Variants in ERGIC1 observed in about 807,000 individuals in gnomAD.
The protein encoded by ERGIC1 is endoplasmic reticulum-golgi intermediate compartment 1.
ERGIC1 carries 19 observed loss-of-function variants against 38.3 expected under a neutral mutation model. The observed-to-expected ratio is 0.50, with a 90% confidence interval of 0.35 to 0.73. The LOEUF is 0.73. Ranked by LOEUF, ERGIC1 falls within the 30% of genes least tolerant of loss-of-function variation. The pLI, the probability that ERGIC1 is intolerant of heterozygous loss-of-function variation, is 0.01. For missense variants in ERGIC1, 294 were observed against 389.2 expected, an observed-to-expected ratio of 0.76 and a Z score of 2.06; for synonymous variants, 124 against 157.6, an observed-to-expected ratio of 0.79 and a Z score of 1.60.
chr5:172,841,025 A>G (rs1413055155), intron 1 of ERGIC1, among the ~76,000 whole-genome samples: 2 of 152,186 alleles, frequency 1.3e-5, no homozygotes, highest in Admixed American at 6.5e-5. Context: ...ATAGTCTCAG[A>G]TGCCCTGTTG....
chr5:172,930,635 A>C (rs1373078511), intron 7 of ERGIC1, among the ~76,000 whole-genome samples: 1 of 152,104 alleles, frequency 6.6e-6, no homozygotes, highest in East Asian at 1.9e-4. Flanking sequence ...GAGCCACCAC[A>C]TCCGGCCTTG....
intron 1 of ERGIC1, among the ~76,000 whole-genome samples, chr5:172,874,040 T>A (rs936854714): frequency 6.6e-6 from 1 of 152,136 alleles, no homozygotes; most frequent in Non-Finnish European, 1.5e-5. Flanking sequence ...ACCTCACCCC[T>A]CACCAGTTTA....
At chr5:172,858,286 G>A (rs558697610) in intron 1 of ERGIC1, among the ~76,000 whole-genome samples, 43 of 152,298 alleles carry the variant, frequency 2.8e-4, no homozygotes, top group African/African-American at 1.0e-3. Context: ...CAGGGCTGGA[G>A]GACTCAGCTG....
chr5:172,903,193 G>T (rs1287980807), intron 3 of ERGIC1, among the ~76,000 whole-genome samples: 1 of 152,180 alleles, frequency 6.6e-6, no homozygotes, highest in Non-Finnish European at 1.5e-5. Context: ...ACTGAAGTTT[G>T]TGAGCACACG....
At chr5:172,942,996 G>T (rs1435933366) in intron 9 of ERGIC1, among the ~76,000 whole-genome samples, 1 of 152,160 alleles carries the variant, frequency 6.6e-6, no homozygotes, top group Non-Finnish European at 1.5e-5. Context: ...ATGAGGGCAG[G>T]TGGGCTAACA....
intron 2 of ERGIC1, among the ~76,000 whole-genome samples, chr5:172,890,570 C>T (rs908546886): frequency 2.0e-5 from 3 of 152,214 alleles, no homozygotes; most frequent in Non-Finnish European, 4.4e-5. Context: ...GATTATTCTA[C>T]AGTAAAAAGT....
At chr5:172,921,622 A>G (rs1763521936) in intron 5 of ERGIC1, 1 of 152,276 alleles carries the variant, frequency 6.6e-6, no homozygotes, top group Non-Finnish European at 1.5e-5. Context: ...TTGGGCTGGA[A>G]TAAGGTAACC....
chr5:172,897,927 G>A, intron 3 of ERGIC1: 1 of 413,664 alleles, frequency 2.4e-6, no homozygotes, highest in Non-Finnish European at 4.4e-6. Flanking sequence ...TCTGTTGTCT[G>A]GATAACCTAG....
intron 1 of ERGIC1, among the ~76,000 whole-genome samples, chr5:172,881,462 A>G (rs1268518646): frequency 6.6e-6 from 1 of 152,186 alleles, no homozygotes; most frequent in Non-Finnish European, 1.5e-5. Context: ...AGGGCAGTAG[A>G]GGAAAGGTCT....
At chr5:172,900,097 C>T (rs961830795) in intron 3 of ERGIC1, among the ~76,000 whole-genome samples, 1 of 152,198 alleles carries the variant, frequency 6.6e-6, no homozygotes, top group South Asian at 2.1e-4. Context: ...GGGTGGCATT[C>T]CCAGCTCATC....
chr5:172,856,783 A>G (rs1761559130), intron 1 of ERGIC1, among the ~76,000 whole-genome samples: 1 of 152,158 alleles, frequency 6.6e-6, no homozygotes, highest in Non-Finnish European at 1.5e-5. Flanking sequence ...CTTCATGGAG[A>G]CGGAAGACAG....
chr5:172,938,752 CAAAAAAAAAAAG>C (rs1039348360), intron 9 of ERGIC1, among the ~76,000 whole-genome samples: 21 of 98,640 alleles, frequency 2.1e-4, no homozygotes, highest in East Asian at 1.0e-3. Context: ...GACTCTATCT[CAAAAAAAAAAAG>C]AAAAAAAAAA....
At chr5:172,927,308 T>C (rs966573409) in intron 7 of ERGIC1, among the ~76,000 whole-genome samples, 2 of 152,160 alleles carry the variant, frequency 1.3e-5, no homozygotes, top group African/African-American at 4.8e-5. Flanking sequence ...TCTTTTCTTA[T>C]TATTTCCTGA....
At position 172,905,218 on chromosome 5, in the gene ERGIC1, G is replaced by T. The variant is rs190771061; in HGVS notation, c.156-4449G>T. The stretch of plus-strand genomic sequence containing the variant: ...TGAGTTGCTTCAAGGAAGAGTCTCA[G>T]GCAGCTTCCTGGCTGGGAAGGGAAG... On this transcript the variant is annotated intron_variant, in intron 3 of 9. Coordinates refer to ENST00000393784, the MANE Select transcript of ERGIC1 (RefSeq NM_001031711.3). 54 of 264,732 alleles carry T rather than the reference G, an allele frequency of 2.0e-4. No homozygotes were observed. In the East Asian group the frequency reaches 3.3e-3, roughly 16 times the overall value. 16.4% of individuals were successfully genotyped at this position (264,732 alleles called of 1,614,324 possible). A position where few individuals can be genotyped will look rare whatever the true frequency, so the allele number is the denominator to read the frequency against.
At chr5:172,875,529 G>C (rs935177240) in intron 1 of ERGIC1, among the ~76,000 whole-genome samples, 1 of 152,118 alleles carries the variant, frequency 6.6e-6, no homozygotes, top group Non-Finnish European at 1.5e-5. Context: ...TGCCACAAAG[G>C]AGGCTGGGAA....
intron 1 of ERGIC1, among the ~76,000 whole-genome samples, chr5:172,873,774 A>C (rs953755111): frequency 2.6e-5 from 4 of 152,204 alleles, no homozygotes; most frequent in African/African-American, 4.8e-5. Context: ...CCTCAGGAGT[A>C]GTAGGGAAGA....
At chr5:172,877,970 G>C (rs1472218555) in intron 1 of ERGIC1, among the ~76,000 whole-genome samples, 1 of 152,262 alleles carries the variant, frequency 6.6e-6, no homozygotes, top group Non-Finnish European at 1.5e-5. Context: ...GGAGACTGGG[G>C]AGCTGCCTTG....
intron 6 of ERGIC1, among the ~76,000 whole-genome samples, chr5:172,924,358 A>G (rs1366486004): frequency 2.6e-5 from 4 of 152,224 alleles, no homozygotes; most frequent in African/African-American, 7.2e-5. Context: ...AAGACCCTCA[A>G]GGTTACTTTC....
intron 1 of ERGIC1, among the ~76,000 whole-genome samples, chr5:172,868,472 G>C (rs1306323811): frequency 6.6e-6 from 1 of 152,234 alleles, no homozygotes; most frequent in African/African-American, 2.4e-5. Context: ...TATACCATAT[G>C]ATTTTCACTC....
Sources: allele counts gnomAD v4.1 joint callset (sites outside exome capture counted in the v4.1 genomes callset), GRCh38; gene constraint gnomAD v4.1.1; transcripts MANE v1.5; gene names NCBI Gene and HGNC (gene_info 2026-07-23, HGNC 2026-07-21).